The following GEMIN5 variants were observed in gnomAD, a reference collection of about 807,000 sequenced individuals.
GEMIN5 encodes the protein gem-associated protein 5.
A neutral mutation model predicts 176.9 loss-of-function variants in GEMIN5; 124 were observed. The observed-to-expected ratio is 0.70, with a 90% CI of 0.61 to 0.81. GEMIN5 has a LOEUF of 0.81. GEMIN5 is among the 40% of genes least tolerant of loss of function. The probability of loss-of-function intolerance (pLI) is 0.00; values close to 1 mark genes in which losing one functional copy is unlikely to be tolerated. For missense variants in GEMIN5, 1,843 were observed against 1,814.6 expected (o/e 1.02, Z -0.28); for synonymous variants, 673 against 665.2 (o/e 1.01, Z -0.18).
chr5:154,926,471 T>A (rs1406462357), intron 7 of GEMIN5, among the ~76,000 whole-genome samples: 1 of 152,168 alleles, frequency 6.6e-6, no homozygotes, highest in Non-Finnish European at 1.5e-5. Flanking sequence ...AAACACCTTA[T>A]CATACCCAGG....
At chr5:154,934,102 A>G (rs1006298135) in intron 3 of GEMIN5, among the ~76,000 whole-genome samples, 12 of 152,116 alleles carry the variant, frequency 7.9e-5, no homozygotes, top group African/African-American at 2.6e-4. Flanking sequence ...TGCAACCTCC[A>G]CTGCCCAGGT....
intron 3 of GEMIN5, among the ~76,000 whole-genome samples, chr5:154,935,344 T>C (rs779212053): frequency 2.0e-4 from 30 of 152,126 alleles, no homozygotes; most frequent in Non-Finnish European, 3.7e-4. Flanking sequence ...TTAGAGAAAA[T>C]AGACATCTTT....
chr5:154,923,206 G>A (rs1334513981), intron 9 of GEMIN5, among the ~76,000 whole-genome samples: 1 of 151,922 alleles, frequency 6.6e-6, no homozygotes, highest in Non-Finnish European at 1.5e-5. Flanking sequence ...GAGAAACCCT[G>A]TCTGTCTCTA....
chr5:154,919,763 G>A (rs1256747246), intron 11 of GEMIN5, among the ~76,000 whole-genome samples: 2 of 152,028 alleles, frequency 1.3e-5, no homozygotes, highest in Non-Finnish European at 2.9e-5. Flanking sequence ...CACTGTCTGA[G>A]AAGTACCTCT....
Position 154,902,538 on chromosome 5 carries a change from C to T in GEMIN5, c.2866+1G>A. On this transcript the variant is annotated splice_donor_variant, in intron 20 of 27. Transcript: ENST00000285873. LOFTEE classifies it high-confidence loss of function. ...AAAGAACAAACAAACAAAAACCATA[C>T]CTGCTGGTGCCATAGCCACAAGGTT... 6.2e-7 allele frequency: 1 copy of T among 1,613,780 alleles called. No individual in the cohort carries two copies. Among genetic ancestry groups the T allele is most frequent in the Non-Finnish European group, 8.5e-7 (1 of 1,179,824 alleles).
intron 12 of GEMIN5, 121 bp downstream of exon 12, chr5:154,917,810 T>C: frequency 1.4e-6 from 1 of 701,156 alleles, no homozygotes; most frequent in South Asian, 1.5e-5. Context: ...ATATCAAGAA[T>C]AAATCAAAAT....
At position 154,911,778 on chromosome 5, in the gene GEMIN5, A is replaced by G; in HGVS notation, c.2116T>C (p.Cys706Arg). The change falls in exon 15 of 28, where the codon TGT (cysteine) becomes CGT (arginine). Residue 706 changes from cysteine to arginine, a missense_variant. Transcript: ENST00000285873. ...ATGGAAGTGAGCCACTTGTGCACAC[A>G]AAAGTCATCTGCCCCTGAATAGATG... ...DCIYSGADDF[C>R]VHKWLTSMQD... 3 of 1,614,126 alleles carry G rather than the reference A, an allele frequency of 1.9e-6. No individual in the cohort carries two copies. Among genetic ancestry groups the G allele is most frequent in the Non-Finnish European group, 2.5e-6 (3 of 1,179,942 alleles).
rs1491513076 is a variant in GEMIN5, at chr5:154,927,566, A to AT, written c.915-17dup. 3.8e-6 allele frequency: 6 copies of AT among 1,568,976 alleles called. No individual in the cohort carries two copies. The highest frequency in any genetic ancestry group is 5.2e-6 in the Non-Finnish European group (6 of 1,145,384). Reference sequence around the variant, plus strand: ...CAGTTCACCTCTGTGAAGGAAAAACATAAGCATTAGTTCTTTTACAAACGA... The same window carrying AT: ...CAGTTCACCTCTGTGAAGGAAAAACATTAAGCATTAGTTCTTTTACAAACGA... On this transcript the variant is annotated splice_polypyrimidine_tract_variant and intron_variant, in intron 6 of 27. Transcript: ENST00000285873.
Position 154,928,676 on chromosome 5 carries a change from A to C in GEMIN5, c.782-17T>G, listed in dbSNP as rs746746266. On this transcript the variant is annotated splice_polypyrimidine_tract_variant and intron_variant, in intron 5 of 27. Coordinates refer to ENST00000285873, the MANE Select transcript of GEMIN5 (RefSeq NM_015465.5). ...TCATCACCCCTGCAGATTAAAAAGA[A>C]GGCCAGTGGGCACTCAAGACAGTGA... is the stretch of plus-strand genomic sequence containing the variant. 3 of 1,613,380 alleles carry C rather than the reference A, an allele frequency of 1.9e-6. No homozygotes were observed. Among genetic ancestry groups the C allele is most frequent in the East Asian group, 4.5e-5 (2 of 44,884 alleles).
At chr5:154,922,019 T>C (rs1362293619) in intron 9 of GEMIN5, among the ~76,000 whole-genome samples, 1 of 152,254 alleles carries the variant, frequency 6.6e-6, no homozygotes, top group African/African-American at 2.4e-5. Context: ...TGTATGATTG[T>C]AGAATTCCAG....
chr5:154,894,228 A>C, intron 24 of GEMIN5, among the ~76,000 whole-genome samples: 1 of 152,038 alleles, frequency 6.6e-6, no homozygotes, highest in Non-Finnish European at 1.5e-5. Flanking sequence ...TACAGGTGTG[A>C]GCCACCAAGA....
chr5:154,924,394 G>T, intron 9 of GEMIN5, 75 bp downstream of exon 9: 1 of 789,160 alleles, frequency 1.3e-6, no homozygotes, highest in Non-Finnish European at 2.2e-6. Flanking sequence ...GAAAGTGAGG[G>T]ATTATTCTAG....
Position 154,907,712 on chromosome 5 carries a change from A to T in GEMIN5, c.2274T>A (p.Ile758=). 6.2e-7 allele frequency: 1 copy of T among 1,614,078 alleles called. No individual in the cohort carries two copies. Among genetic ancestry groups the T allele is most frequent in the Non-Finnish European group, 8.5e-7 (1 of 1,179,990 alleles). ...TCATGCTTTCTTCTTCATTTCCATC[A>T]ATCGATTCCAGCTTTACAGGAGTTC... The part of the protein sequence containing the change: ...TLRTPVKLES[I]DGNEEESMKE... Residue 758 remains isoleucine (I), a synonymous_variant, in exon 16 of 28, where the codon ATT becomes ATA. Transcript: ENST00000285873.
At position 154,904,497 on chromosome 5, in the gene GEMIN5, A is replaced by AT. The variant is rs781299007; in HGVS notation, c.2632+9dup. ...GACTATGGATGGGCCAAGGAAGTACATTTTTGTACCTCTGGAGTGCTTTGC... is the reference window on the plus strand; with the variant it reads ...GACTATGGATGGGCCAAGGAAGTACATTTTTTGTACCTCTGGAGTGCTTTGC... On this transcript the variant is annotated intron_variant, in intron 18 of 27. Coordinates refer to ENST00000285873, the MANE Select transcript of GEMIN5 (RefSeq NM_015465.5). 1.2e-6 allele frequency: 2 copies of AT among 1,613,056 alleles called. No homozygotes were observed. The highest frequency in any genetic ancestry group is 2.2e-5 in the South Asian group (2 of 91,028).
At chr5:154,937,890 G>T in intron 1 of GEMIN5, 78 bp downstream of exon 1, 1 of 1,264,182 alleles carries the variant, frequency 7.9e-7, no homozygotes, top group East Asian at 3.1e-5. Flanking sequence ...TGTAGAAAAC[G>T]GGGTGGAGTC....
intron 15 of GEMIN5, among the ~76,000 whole-genome samples, chr5:154,908,638 T>C (rs1247814188): frequency 6.6e-6 from 1 of 152,234 alleles, no homozygotes. Context: ...AAGACAGTTA[T>C]TTTGTCCAAT....
In GEMIN5 at chr5:154,907,584, C is replaced by T. The variant is rs1422588081; in HGVS notation, c.2395+7G>A. The T allele has an allele frequency of 6.2e-6, 10 of 1,607,006 alleles. No individual in the cohort carries two copies. In the East Asian group the frequency reaches 2.2e-4, roughly 36 times the overall value. ...ATCCTAGTGATACACAGGATTCTGC[C>T]ACATACCCGCTGGAGCAAGGCCACA... On this transcript the variant is annotated splice_region_variant and intron_variant, in intron 16 of 27. Transcript: ENST00000285873.
At chr5:154,911,954 G>A (rs1421966459) in intron 14 of GEMIN5, 56 bp from the exon 15 acceptor site, 3 of 1,484,272 alleles carry the variant, frequency 2.0e-6, no homozygotes, top group African/African-American at 1.4e-5. Context: ...TATTGTTTGG[G>A]CAGTATGTTT....
intron 13 of GEMIN5, among the ~76,000 whole-genome samples, chr5:154,913,732 G>T (rs983572325): frequency 2.0e-5 from 3 of 152,140 alleles, no homozygotes; most frequent in African/African-American, 4.8e-5. Context: ...TGGGTGGACT[G>T]CTTGAGCCTG....
Sources: gnomAD v4.1 joint callset for allele counts (sites outside exome capture counted in the v4.1 genomes callset) on GRCh38, gnomAD v4.1.1 for gene constraint, MANE v1.5 for transcripts, NCBI Gene and HGNC (gene_info 2026-07-23, HGNC 2026-07-21) for gene names.